The following RNFT2 variants were observed in gnomAD, a reference collection of about 807,000 sequenced individuals.
RNFT2 encodes ring finger protein, transmembrane 2, also known as E3 ubiquitin-protein ligase RNFT2.
In RNFT2, 36 loss-of-function variants were observed where a neutral mutation model predicts 53.0. That is an observed-to-expected ratio of 0.68 (90% CI 0.52 to 0.90). RNFT2 has a LOEUF of 0.90. Ranked by LOEUF, RNFT2 falls within the 40% of genes least tolerant of loss-of-function variation. RNFT2 has a pLI of 0.00. For missense variants in RNFT2, 514 were observed against 585.6 expected (o/e 0.88, Z 1.26); for synonymous variants, 260 against 253.2 (o/e 1.03, Z -0.26).
At chr12:116,830,689 C>T (rs1340666824) in intron 7 of RNFT2, among the ~76,000 whole-genome samples, 1 of 152,054 alleles carries the variant, frequency 6.6e-6, no homozygotes, top group Non-Finnish European at 1.5e-5. Context: ...GTAGGTGGAT[C>T]ACCTGTGGTC....
chr12:116,743,669 T>C (rs1304488245), intron 3 of RNFT2, among the ~76,000 whole-genome samples: 1 of 152,046 alleles, frequency 6.6e-6, no homozygotes, highest in Non-Finnish European at 1.5e-5. Flanking sequence ...AGCACATACA[T>C]CCAAGGGGCG....
At chr12:116,766,995 A>G in intron 6 of RNFT2, 81 bp downstream of exon 6, 1 of 902,020 alleles carries the variant, frequency 1.1e-6, no homozygotes, top group Non-Finnish European at 1.8e-6. Context: ...TCACTTGAGA[A>G]TGAGGCACAA....
chr12:116,784,278 G>GT (rs1873833783), intron 7 of RNFT2, among the ~76,000 whole-genome samples: 1 of 152,250 alleles, frequency 6.6e-6, no homozygotes, highest in African/African-American at 2.4e-5. Flanking sequence ...CTCACGGTCT[G>GT]TGGTAGGCAG....
intron 7 of RNFT2, among the ~76,000 whole-genome samples, chr12:116,818,499 G>A (rs1875814125): frequency 6.6e-6 from 1 of 152,088 alleles, no homozygotes; most frequent in Non-Finnish European, 1.5e-5. Flanking sequence ...GGTCTTCTGA[G>A]GAGTGGTGTG....
At position 116,816,728 on chromosome 12, in the gene RNFT2, C is replaced by A. The variant is rs148476484; in HGVS notation, c.883-17064C>A. Among the ~76,000 whole-genome samples the A allele has an allele frequency of 2.0e-3, 303 of 152,228 alleles. 2 individuals carry two copies. Among genetic ancestry groups the A allele is most frequent in the Non-Finnish European group, 3.2e-3 (221 of 68,016 alleles). On this transcript the variant is annotated intron_variant, in intron 7 of 10. Coordinates refer to ENST00000257575, the MANE Select transcript of RNFT2 (RefSeq NM_001382266.1). ...TCTCTCATCTGCAAAGTGGAGGTGA[C>A]AATTTCCCCCCTCATGGGGTTGTTA...
At chr12:116,772,656 A>C (rs1348494041) in intron 6 of RNFT2, among the ~76,000 whole-genome samples, 1 of 152,170 alleles carries the variant, frequency 6.6e-6, no homozygotes, top group Non-Finnish European at 1.5e-5. Flanking sequence ...TTTAAAAAGG[A>C]CCAAAAACAC....
intron 4 of RNFT2, 87 bp downstream of exon 4, chr12:116,750,394 G>A: frequency 1.5e-6 from 2 of 1,319,508 alleles, no homozygotes; most frequent in South Asian, 1.3e-5. Context: ...CTCCTCTGAA[G>A]CCCAGGGAGA....
chr12:116,779,301 T>TGCC lies in RNFT2; in HGVS notation c.836_838dup (p.Cys279_Leu280insArg). 6.2e-7 allele frequency: 1 copy of TGCC among 1,614,002 alleles called. No individual in the cohort carries two copies. Among genetic ancestry groups the TGCC allele is most frequent in the Non-Finnish European group, 8.5e-7 (1 of 1,179,894 alleles). On this transcript the variant is annotated inframe_insertion, in exon 7 of 11. Transcript: ENST00000257575. ...GAAGTACATCACCATCGCCCTCAAG[T>TGCC]GCCTCATCGTGGCCCTGCCCAAGAT... is the stretch of plus-strand genomic sequence containing the variant.
At position 116,849,427 on chromosome 12, in the gene RNFT2, C is replaced by T. The variant is rs542730184; in HGVS notation, c.1314C>T (p.Ser438=). 81 of 1,592,248 alleles carry T rather than the reference C, an allele frequency of 5.1e-5. No individual in the cohort carries two copies. In the East Asian group the frequency reaches 9.5e-4, roughly 19 times the overall value. Reference sequence around the variant, plus strand: ...GCTGCTGGAAGGACGGCGCCACGTCCGCACACTTCCAGGTGTACTAGGACC... The same window carrying T: ...GCTGCTGGAAGGACGGCGCCACGTCTGCACACTTCCAGGTGTACTAGGACC... ...TLRCWKDGAT[S]AHFQVY is the part of the protein sequence containing the mutation. The change falls in exon 11 of 11, where the codon TCC becomes TCT. Residue 438 remains serine (S), a synonymous_variant. Transcript: ENST00000257575.
At chr12:116,841,511 G>T (rs1377528623) in intron 10 of RNFT2, among the ~76,000 whole-genome samples, 2 of 150,828 alleles carry the variant, frequency 1.3e-5, no homozygotes, top group African/African-American at 4.9e-5. Context: ...ACTTTGGGAG[G>T]GTGAGGCAGG....
intron 6 of RNFT2, among the ~76,000 whole-genome samples, chr12:116,777,764 C>A (rs548904435): frequency 1.3e-4 from 20 of 152,174 alleles, no homozygotes; most frequent in Admixed American, 3.9e-4. Context: ...AGGAAGGGAA[C>A]AATTCCCATT....
chr12:116,766,122 T>A (rs12426049), intron 5 of RNFT2, among the ~76,000 whole-genome samples: 3,434 of 134,092 alleles, frequency 0.026, 94 homozygotes, highest in African/African-American at 0.1. Flanking sequence ...AAAATAAAAA[T>A]TTTTTTTTAA....
Position 116,748,646 on chromosome 12 carries a change from G to A in RNFT2, c.84-1195G>A, listed in dbSNP as rs558514638. Reference sequence around the variant, plus strand: ...AGTCTTCTTCACATTACTCTCTGCCGCCCACCCAATGTCAGCTGTGACCAA... The same window carrying A: ...AGTCTTCTTCACATTACTCTCTGCCACCCACCCAATGTCAGCTGTGACCAA... On this transcript the variant is annotated intron_variant, in intron 3 of 10. Coordinates refer to ENST00000257575, the MANE Select transcript of RNFT2 (RefSeq NM_001382266.1). 3.0e-4 allele frequency: 134 copies of A among 450,336 alleles called. 2 individuals are homozygous for A. Among genetic ancestry groups the A allele is most frequent in the South Asian group, 1.5e-3 (97 of 63,558 alleles). 27.9% of individuals were successfully genotyped at this position (450,336 alleles called of 1,614,324 possible).
At chr12:116,803,253 C>T (rs60271353) in intron 7 of RNFT2, among the ~76,000 whole-genome samples, 1,915 of 152,268 alleles carry the variant, frequency 0.013, 14 homozygotes, top group African/African-American at 0.019. Context: ...TGGGTGCAAC[C>T]GACACCACCT....
intron 7 of RNFT2, among the ~76,000 whole-genome samples, chr12:116,831,534 C>CT (rs764190872): frequency 0.03 from 4,335 of 144,094 alleles, 88 homozygotes; most frequent in Middle Eastern, 0.044. Flanking sequence ...GTGTTTTTTA[C>CT]TTTTTTTTTT....
At chr12:116,751,701 T>C (rs1468127808) in intron 4 of RNFT2, among the ~76,000 whole-genome samples, 2 of 152,146 alleles carry the variant, frequency 1.3e-5, no homozygotes, top group Non-Finnish European at 2.9e-5. Context: ...GTGCCTGGCC[T>C]AGTATACTGT....
At chr12:116,822,782 A>G (rs1255460734) in intron 7 of RNFT2, among the ~76,000 whole-genome samples, 2 of 152,034 alleles carry the variant, frequency 1.3e-5, no homozygotes, top group Non-Finnish European at 2.9e-5. Context: ...CGGGCAGATC[A>G]CCTGAGGAGT....
chr12:116,798,055 C>T (rs1037269956), intron 7 of RNFT2, among the ~76,000 whole-genome samples: 1 of 152,122 alleles, frequency 6.6e-6, no homozygotes, highest in Non-Finnish European at 1.5e-5. Context: ...GAGTCAAGTC[C>T]CGCCTGCTAC....
intron 5 of RNFT2, among the ~76,000 whole-genome samples, chr12:116,765,251 T>G (rs1872858070): frequency 6.6e-6 from 1 of 152,184 alleles, no homozygotes. Context: ...GAATCTATTA[T>G]TCATTGGAGT....
Sources: allele counts gnomAD v4.1 joint callset (sites outside exome capture counted in the v4.1 genomes callset), GRCh38; gene constraint gnomAD v4.1.1; transcripts MANE v1.5; gene names NCBI Gene and HGNC (gene_info 2026-07-23, HGNC 2026-07-21).